LBP: variants seen among roughly 807,000 people sequenced by gnomAD.
LBP encodes lipopolysaccharide-binding protein.
LBP carries 53 observed loss-of-function variants against 56.6 expected under a neutral mutation model. That is an observed-to-expected ratio of 0.94 (90% CI 0.75 to 1.18). The LOEUF (loss-of-function observed/expected upper bound fraction) is 1.18, where lower values mean the gene tolerates loss of function less well. Among genes scored for constraint, LBP ranks in the 50% most tolerant of loss-of-function variants. LBP has a pLI of 0.00. For synonymous variants in LBP, 227 were observed against 247.5 expected, an observed-to-expected ratio of 0.92 and a Z score of 0.78; for missense variants, 601 against 598.3, an observed-to-expected ratio of 1.00 and a Z score of -0.05.
Position 38,354,032 on chromosome 20 carries a change from C to T in LBP, c.369-252C>T, listed in dbSNP as rs146127086. ...CCACTGAAGTTTTAATTTTCTATGC[C>T]GACAAGTTTATCAAGGATTTCCTTT... is the stretch of plus-strand genomic sequence containing the variant. On this transcript the variant is annotated intron_variant, in intron 3 of 14. Transcript: ENST00000217407. Among the ~76,000 whole-genome samples, 1,020 of 151,890 alleles carry T rather than the reference C, an allele frequency of 6.7e-3. 8 individuals carry two copies. Among genetic ancestry groups the T allele is most frequent in the Non-Finnish European group, 8.5e-3 (578 of 67,968 alleles).
intron 10 of LBP, 42 bp downstream of exon 10, chr20:38,369,204 A>C (rs1320949998): frequency 2.6e-6 from 4 of 1,565,672 alleles, no homozygotes; most frequent in Non-Finnish European, 3.5e-6. Context: ...CCTTTTCCCC[A>C]CATGCTTTTC....
At chr20:38,362,828 GTCCCAGC>G (rs1020004537) in intron 6 of LBP, among the ~76,000 whole-genome samples, 18 of 151,342 alleles carry the variant, frequency 1.2e-4, no homozygotes, top group African/African-American at 4.1e-4. Context: ...TGTGCCTGTA[GTCCCAGC>G]TACTTGGGAG....
chr20:38,369,390 A>G (rs1212296161), intron 10 of LBP, among the ~76,000 whole-genome samples: 1 of 152,132 alleles, frequency 6.6e-6, no homozygotes, highest in Non-Finnish European at 1.5e-5. Context: ...AGCGTTTACT[A>G]CAAAGATACT....
At chr20:38,375,743 A>C (rs2083955064) in intron 14 of LBP, among the ~76,000 whole-genome samples, 1 of 152,082 alleles carries the variant, frequency 6.6e-6, no homozygotes, top group African/African-American at 2.4e-5. Flanking sequence ...TTATCTTTTG[A>C]GGTGAGATGA....
At chr20:38,358,755 A>T (rs1176926933) in intron 5 of LBP, among the ~76,000 whole-genome samples, 1 of 152,210 alleles carries the variant, frequency 6.6e-6, no homozygotes, top group African/African-American at 2.4e-5. Flanking sequence ...TGACCCCTGC[A>T]CTAGGCCAGG....
chr20:38,350,689 G>A (rs1257533957), intron 2 of LBP, 122 bp from the exon 3 acceptor site: 2 of 1,124,752 alleles, frequency 1.8e-6, no homozygotes, highest in Non-Finnish European at 2.5e-6. Flanking sequence ...GGCACAGCAG[G>A]TGCTTACCTG....
At chr20:38,371,080 A>G (rs1316225154) in intron 11 of LBP, among the ~76,000 whole-genome samples, 200 bp from the exon 12 acceptor site, 2 of 152,172 alleles carry the variant, frequency 1.3e-5, no homozygotes, top group Non-Finnish European at 2.9e-5. Context: ...TTTTGACACT[A>G]TCTCATCTGC....
intron 13 of LBP, among the ~76,000 whole-genome samples, chr20:38,373,724 C>T (rs1169942039): frequency 6.6e-6 from 1 of 151,330 alleles, no homozygotes; most frequent in South Asian, 2.1e-4. Context: ...CTGACACTTC[C>T]TGTGTGACCT....
In LBP at chr20:38,355,402, A is replaced by G; in HGVS notation, c.581A>G (p.Glu194Gly). The change falls in exon 5 of 15, where the codon GAG becomes GGG. Residue 194 changes from glutamate to glycine, a missense_variant. Glu to Gly is a moderately conservative substitution (Grantham distance 98). Coordinates refer to ENST00000217407, the MANE Select transcript of LBP (RefSeq NM_004139.5). ...QIESKFQKVL[E>G]SRICEMIQKS... ...GAGTCCAAGTTCCAGAAAGTACTGG[A>G]GAGCAGGGTAAGAAGGTCCAAGCCT... 1 of 1,613,532 alleles carries G rather than the reference A, an allele frequency of 6.2e-7. No individual in the cohort carries two copies. Among genetic ancestry groups the G allele is most frequent in the South Asian group, 1.1e-5 (1 of 91,086 alleles).
At position 38,366,798 on chromosome 20, in the gene LBP, C is replaced by T; in HGVS notation, c.951C>T (p.Thr317=). 6.2e-7 allele frequency: 1 copy of T among 1,614,134 alleles called. No individual in the cohort carries two copies. Among genetic ancestry groups the T allele is most frequent in the Non-Finnish European group, 8.5e-7 (1 of 1,180,010 alleles). The part of the protein sequence containing the change: ...MIPPDSNIRL[T]TKSFRPFVPR... ...CGCCTGACTCTAATATCCGACTGAC[C>T]ACCAAGTCCTTCCGACCCTTCGTCC... Residue 317 remains threonine (T), a synonymous_variant, in exon 9 of 15, where the codon ACC becomes ACT. Transcript: ENST00000217407.
intron 13 of LBP, 112 bp downstream of exon 13, chr20:38,373,247 G>C: frequency 2.3e-6 from 2 of 877,456 alleles, no homozygotes. Context: ...CCGTGGGCAA[G>C]TCACTTCTCT....
In LBP at chr20:38,371,323, G is replaced by A. The variant is rs370348124; in HGVS notation, c.1260+1G>A. ...AGAATCCAAAGTTGGACTATTCAAT[G>A]TAAGTTGTTTTTATTGATGACATGA... On this transcript the variant is annotated splice_donor_variant, in intron 12 of 14. Transcript: ENST00000217407. LOFTEE classifies it high-confidence loss of function. 1 of 1,601,384 alleles carries A rather than the reference G, an allele frequency of 6.2e-7. No individual in the cohort carries two copies. The highest frequency in any genetic ancestry group is 8.6e-7 in the Non-Finnish European group (1 of 1,169,132).
chr20:38,355,381 C>G lies in LBP; in HGVS notation c.560C>G (p.Ser187Cys). 6.2e-7 allele frequency: 1 copy of G among 1,613,772 alleles called. No individual in the cohort carries two copies. The highest frequency in any genetic ancestry group is 8.5e-7 in the Non-Finnish European group (1 of 1,179,982). The stretch of plus-strand genomic sequence containing the variant: ...AACCTCTTCCACAACCAGATTGAGT[C>G]CAAGTTCCAGAAAGTACTGGAGAGC... ...LLNLFHNQIE[S>C]KFQKVLESRI... The change falls in exon 5 of 15, where the codon TCC becomes TGC. Residue 187 changes from serine to cysteine, a missense_variant. Transcript: ENST00000217407.
chr20:38,365,789 A>G (rs1057402282), intron 8 of LBP, among the ~76,000 whole-genome samples: 46 of 150,428 alleles, frequency 3.1e-4, no homozygotes, highest in African/African-American at 1.1e-3. Context: ...TGATAAATGC[A>G]TATATTTTCA....
At chr20:38,370,671 G>T in intron 10 of LBP, 67 bp from the exon 11 acceptor site, 1 of 1,415,186 alleles carries the variant, frequency 7.1e-7, no homozygotes, top group Admixed American at 1.7e-5. Context: ...TTGGTCCCTC[G>T]TCATCATCCT....
intron 1 of LBP, among the ~76,000 whole-genome samples, chr20:38,348,706 C>T (rs1190618931): frequency 2.6e-5 from 4 of 151,980 alleles, no homozygotes; most frequent in Non-Finnish European, 5.9e-5. Context: ...CCTCACAGCC[C>T]CCTTCTTGCT....
At chr20:38,375,558 G>A (rs1355460870) in intron 14 of LBP, among the ~76,000 whole-genome samples, 1 of 152,002 alleles carries the variant, frequency 6.6e-6, no homozygotes, top group Non-Finnish European at 1.5e-5. Context: ...TCCAGCCTGG[G>A]CGACAGAGCA....
Position 38,360,004 on chromosome 20 carries a change from C to A in LBP, c.589-700C>A, listed in dbSNP as rs11536963. Among the ~76,000 whole-genome samples, 750 of 152,286 alleles carry A rather than the reference C, an allele frequency of 4.9e-3. 4 individuals are homozygous for A. Among genetic ancestry groups the A allele is most frequent in the African/African-American group, 0.017 (724 of 41,566 alleles). On this transcript the variant is annotated intron_variant, in intron 5 of 14. Transcript: ENST00000217407. Reference sequence around the variant, plus strand: ...TGGTGGCTCACGTCTGTAATCCCAGCACTTTGGGAGGCCAAGGCAGGTGGA... The same window carrying A: ...TGGTGGCTCACGTCTGTAATCCCAGAACTTTGGGAGGCCAAGGCAGGTGGA...
intron 6 of LBP, 116 bp from the exon 7 acceptor site, chr20:38,363,859 A>G (rs990206687): frequency 2.8e-6 from 2 of 725,580 alleles, no homozygotes; most frequent in Admixed American, 4.3e-5. Flanking sequence ...GGGCCGGGCT[A>G]GTAGGGGGAT....
Sources: gnomAD v4.1 joint callset for allele counts (sites outside exome capture counted in the v4.1 genomes callset) on GRCh38, gnomAD v4.1.1 for gene constraint, MANE v1.5 for transcripts, NCBI Gene and HGNC (gene_info 2026-07-23, HGNC 2026-07-21) for gene names.